CWF19L2: variants seen among roughly 807,000 people sequenced by gnomAD.
CWF19L2 encodes the protein CWF19-like protein 2.
Under a neutral mutation model 111.7 loss-of-function variants are expected in CWF19L2, and 98 were observed. That is an observed-to-expected ratio of 0.88 (90% CI 0.75 to 1.04). The LOEUF is 1.04. CWF19L2 is among the 50% of genes least tolerant of loss of function. The pLI is 0.00. For missense variants in CWF19L2, 1,101 were observed against 1,051.4 expected, an observed-to-expected ratio of 1.05 and a Z score of -0.65; for synonymous variants, 351 against 342.9, an observed-to-expected ratio of 1.02 and a Z score of -0.26.
At position 107,368,455 on chromosome 11, in the gene CWF19L2, T is replaced by A. The variant is rs776498780; in HGVS notation, c.1873-14719A>T. On this transcript the variant is annotated intron_variant, in intron 12 of 17. Coordinates refer to ENST00000282251, the MANE Select transcript of CWF19L2 (RefSeq NM_152434.3). Reference sequence around the variant, plus strand: ...TTAAGTATTTAAGCATGCTAAAGATTCTTCTATTTTGAAAATTTGTCTGGC... The same window carrying A: ...TTAAGTATTTAAGCATGCTAAAGATACTTCTATTTTGAAAATTTGTCTGGC... Among the ~76,000 whole-genome samples the A allele has an allele frequency of 2.7e-4, 38 of 138,252 alleles. 6 individuals carry two copies. Among genetic ancestry groups the A allele is most frequent in the Admixed American group, 1.1e-3 (15 of 14,122 alleles). 90.7% of individuals were successfully genotyped at this position (138,252 alleles called of 152,430 possible). A position where few individuals can be genotyped will look rare whatever the true frequency, so the allele number is the denominator to read the frequency against.
intron 8 of CWF19L2, among the ~76,000 whole-genome samples, chr11:107,426,712 A>G (rs1174000718): frequency 6.6e-6 from 1 of 151,798 alleles, no homozygotes; most frequent in African/African-American, 2.4e-5. Context: ...AAAAAAACCA[A>G]GATTTTGAAT....
intron 17 of CWF19L2, among the ~76,000 whole-genome samples, chr11:107,328,138 CA>C (rs10578324): frequency 0.018 from 2,176 of 118,318 alleles, 21 homozygotes; most frequent in African/African-American, 0.04. Context: ...TGTGGAGACT[CA>C]AAAAAAAAAA....
chr11:107,444,812 A>T (rs1861678760), intron 3 of CWF19L2, among the ~76,000 whole-genome samples: 1 of 152,198 alleles, frequency 6.6e-6, no homozygotes, highest in African/African-American at 2.4e-5. Flanking sequence ...GGATGATGTT[A>T]CCTCACATAT....
intron 8 of CWF19L2, among the ~76,000 whole-genome samples, chr11:107,426,875 C>G (rs1861385719): frequency 6.6e-6 from 1 of 151,670 alleles, no homozygotes. Flanking sequence ...GTTAACCTGG[C>G]AAATAGGATT....
intron 12 of CWF19L2, among the ~76,000 whole-genome samples, chr11:107,362,467 C>G (rs1241555529): frequency 6.6e-6 from 1 of 152,122 alleles, no homozygotes; most frequent in African/African-American, 2.4e-5. Flanking sequence ...CAGCACGCAG[C>G]TGGAGATCTG....
At chr11:107,398,509 C>T (rs1041037130) in intron 10 of CWF19L2, among the ~76,000 whole-genome samples, 1 of 152,096 alleles carries the variant, frequency 6.6e-6, no homozygotes, top group Non-Finnish European at 1.5e-5. Context: ...AAAATATGAA[C>T]AAAGGCTCCA....
At chr11:107,328,273 T>C (rs1374905282) in intron 17 of CWF19L2, among the ~76,000 whole-genome samples, 3 of 151,988 alleles carry the variant, frequency 2.0e-5, no homozygotes, top group Non-Finnish European at 1.5e-5. Flanking sequence ...TAGGGCAAAT[T>C]GAGATTTAGT....
At chr11:107,443,646 G>C (rs1335341035) in intron 3 of CWF19L2, among the ~76,000 whole-genome samples, 1 of 152,124 alleles carries the variant, frequency 6.6e-6, no homozygotes. Context: ...CTTCAGCACA[G>C]AGCTTCAGTG....
chr11:107,419,607 CAA>C (rs1861276337), intron 8 of CWF19L2, among the ~76,000 whole-genome samples: 1 of 151,856 alleles, frequency 6.6e-6, no homozygotes, highest in African/African-American at 2.4e-5. Context: ...TCAGACACAA[CAA>C]AGATATAAAA....
At chr11:107,344,005 A>T (rs1462868498) in intron 14 of CWF19L2, among the ~76,000 whole-genome samples, 1 of 152,178 alleles carries the variant, frequency 6.6e-6, no homozygotes, top group Admixed American at 6.5e-5. Context: ...ACCTGAGGCC[A>T]GGAGTTCAAG....
At chr11:107,361,499 T>C (rs969934959) in intron 12 of CWF19L2, among the ~76,000 whole-genome samples, 3 of 152,336 alleles carry the variant, frequency 2.0e-5, no homozygotes, top group East Asian at 1.9e-4. Context: ...TTGTTTGTTC[T>C]AATTCTGTGA....
chr11:107,452,592 G>A (rs1861792867), intron 3 of CWF19L2, among the ~76,000 whole-genome samples: 1 of 151,948 alleles, frequency 6.6e-6, no homozygotes, highest in African/African-American at 2.4e-5. Flanking sequence ...TAGAAAAACT[G>A]GAAATCCACG....
chr11:107,411,679 A>T (rs776629867), intron 10 of CWF19L2, among the ~76,000 whole-genome samples: 23 of 152,172 alleles, frequency 1.5e-4, no homozygotes, highest in Non-Finnish European at 3.1e-4. Context: ...TAAATTTAAT[A>T]AATATACTAA....
intron 12 of CWF19L2, among the ~76,000 whole-genome samples, chr11:107,360,506 T>C (rs1288753724): frequency 1.3e-5 from 2 of 152,208 alleles, no homozygotes; most frequent in Non-Finnish European, 2.9e-5. Flanking sequence ...TACCTAGTAA[T>C]GGGATTGCTG....
chr11:107,351,172 A>G (rs1860151594), intron 13 of CWF19L2, among the ~76,000 whole-genome samples: 1 of 152,244 alleles, frequency 6.6e-6, no homozygotes, highest in African/African-American at 2.4e-5. Flanking sequence ...GTCCAGTAAT[A>G]AATGATGATG....
intron 12 of CWF19L2, among the ~76,000 whole-genome samples, chr11:107,378,063 T>C (rs1396495538): frequency 2.2e-3 from 326 of 150,732 alleles, no homozygotes; most frequent in South Asian, 7.4e-3. Context: ...AAAACCACAA[T>C]GAGATACCAT....
intron 12 of CWF19L2, 144 bp from the exon 13 acceptor site, chr11:107,353,880 T>C (rs905271768): frequency 1.7e-5 from 11 of 638,842 alleles, no homozygotes; most frequent in Admixed American, 3.0e-5. Flanking sequence ...TTAATATTTG[T>C]TTGATCTTCT....
At chr11:107,396,455 T>C (rs1295291727) in intron 10 of CWF19L2, among the ~76,000 whole-genome samples, 1 of 152,160 alleles carries the variant, frequency 6.6e-6, no homozygotes, top group African/African-American at 2.4e-5. Context: ...TAAAAGAACC[T>C]TCTGGCTGAC....
chr11:107,413,780 T>C (rs1278173490), intron 10 of CWF19L2, among the ~76,000 whole-genome samples: 1 of 152,246 alleles, frequency 6.6e-6, no homozygotes, highest in African/African-American at 2.4e-5. Context: ...ACACTCTTTA[T>C]AATGTTATCT....
Sources: allele counts gnomAD v4.1 joint callset (sites outside exome capture counted in the v4.1 genomes callset), GRCh38; gene constraint gnomAD v4.1.1; transcripts MANE v1.5; gene names NCBI Gene and HGNC (gene_info 2026-07-23, HGNC 2026-07-21).